Variants in RMST observed in about 807,000 individuals in gnomAD.
RMST encodes the protein long intergenic non-protein coding RNA 54.
At chr12:97,513,780 T>C (rs1318557980) in intron 10 of RMST, among the ~76,000 whole-genome samples, 2 of 152,198 alleles carry the variant, frequency 1.3e-5, no homozygotes, top group Non-Finnish European at 2.9e-5. Flanking sequence ...GATAATGCCA[T>C]GAATTTTTCT....
intron 10 of RMST, among the ~76,000 whole-genome samples, chr12:97,513,346 C>T (rs1296401180): frequency 6.6e-6 from 1 of 152,220 alleles, no homozygotes; most frequent in Non-Finnish European, 1.5e-5. Flanking sequence ...AAATCAGTTT[C>T]ATGAATAGAG....
chr12:97,561,828 G>C (rs1884134290), intron 13 of RMST, among the ~76,000 whole-genome samples: 1 of 151,842 alleles, frequency 6.6e-6, no homozygotes, highest in Admixed American at 6.6e-5. Context: ...CTCCTCACAA[G>C]ATAAGATTCT....
chr12:97,473,631 A>G lies in RMST; in HGVS notation n.644+7904A>G, dbSNP rs1230929608. On this transcript the variant is annotated intron_variant and non_coding_transcript_variant, in intron 5 of 13. Transcript: ENST00000640149. ...TGTGTAAAGCCCTGCCCATAGCTTC[A>G]TTCTCTGGCAGAAATATTATACCAT... Among the ~76,000 whole-genome samples, 4 of 152,172 alleles carry G rather than the reference A, an allele frequency of 2.6e-5. No homozygotes were observed. In the South Asian group the frequency reaches 8.3e-4, roughly 31 times the overall value.
chr12:97,549,370 A>T (rs1338149480), intron 11 of RMST, among the ~76,000 whole-genome samples: 1 of 152,240 alleles, frequency 6.6e-6, no homozygotes, highest in African/African-American at 2.4e-5. Flanking sequence ...GGGCAATCAA[A>T]ATATTCTCAA....
intron 5 of RMST, among the ~76,000 whole-genome samples, chr12:97,472,284 T>C (rs1250457902): frequency 6.6e-6 from 1 of 152,148 alleles, no homozygotes; most frequent in Non-Finnish European, 1.5e-5. Context: ...AGGTACATAC[T>C]TACGTAATGG....
intron 11 of RMST, among the ~76,000 whole-genome samples, chr12:97,556,881 G>C (rs1012991183): frequency 3.3e-5 from 5 of 152,134 alleles, no homozygotes; most frequent in African/African-American, 9.7e-5. Flanking sequence ...TTAGAAAATA[G>C]ACTTGGGAAA....
chr12:97,510,581 T>C (rs1879170833), intron 10 of RMST, among the ~76,000 whole-genome samples: 2 of 152,234 alleles, frequency 1.3e-5, no homozygotes, highest in Admixed American at 6.5e-5. Context: ...TTCCTCACAG[T>C]AGAATCTTAG....
intron 11 of RMST, among the ~76,000 whole-genome samples, chr12:97,537,859 T>C (rs17418806): frequency 0.033 from 5,040 of 151,504 alleles, 134 homozygotes; most frequent in East Asian, 0.12. Context: ...CTTATTCTGG[T>C]ATTAATGTGA....
At position 97,504,402 on chromosome 12, in the gene RMST, TCAA is replaced by T. The variant is rs1200189541; in HGVS notation, n.1340+8347_1340+8349del. ...CTGGGCGACAGAGTGAGACTTCATT[TCAA>T]AAAAAAAAAAAAAAAAAAAGAATGC... On this transcript the variant is annotated intron_variant and non_coding_transcript_variant, in intron 10 of 13. Coordinates refer to ENST00000640149, the Ensembl canonical transcript of RMST. Among the ~76,000 whole-genome samples, 68 of 125,256 alleles carry T rather than the reference TCAA, an allele frequency of 5.4e-4. 2 individuals carry two copies. Among genetic ancestry groups the T allele is most frequent in the Non-Finnish European group, 6.4e-4 (40 of 62,068 alleles). The allele number at this position is 125,256 out of a possible 152,430, so 82.2% of individuals were successfully genotyped here.
chr12:97,506,675 GTTT>G (rs780505590), intron 10 of RMST, among the ~76,000 whole-genome samples: 367 of 76,984 alleles, frequency 4.8e-3, no homozygotes, highest in African/African-American at 0.019. Context: ...AGGGTAATCT[GTTT>G]TTTTTTTTTT....
chr12:97,473,370 C>T (rs979808113), intron 5 of RMST, among the ~76,000 whole-genome samples: 3 of 151,992 alleles, frequency 2.0e-5, no homozygotes, highest in Non-Finnish European at 2.9e-5. Context: ...TAGTAAAATA[C>T]GTGTGTGTGT....
Position 97,545,387 on chromosome 12 carries a change from A to G in RMST, n.1545+14528A>G, listed in dbSNP as rs139092488. On this transcript the variant is annotated intron_variant and non_coding_transcript_variant, in intron 11 of 13. Coordinates refer to ENST00000640149, the Ensembl canonical transcript of RMST. Reference sequence around the variant, plus strand: ...GGTGAGGGACAGATCTAAGATTAAGAGTCTGACTCTTAGATGTCCTTCACA... The same window carrying G: ...GGTGAGGGACAGATCTAAGATTAAGGGTCTGACTCTTAGATGTCCTTCACA... Among the ~76,000 whole-genome samples, 1,401 of 152,172 alleles carry G rather than the reference A, an allele frequency of 9.2e-3. 25 individuals carry two copies. The highest frequency in any genetic ancestry group is 0.032 in the African/African-American group (1,315 of 41,550).
intron 11 of RMST, among the ~76,000 whole-genome samples, chr12:97,541,837 A>T (rs1257066583): frequency 7.9e-5 from 12 of 151,900 alleles, no homozygotes; most frequent in Admixed American, 7.9e-4. Flanking sequence ...TTACTGATTT[A>T]ACAATTATCT....
chr12:97,481,370 A>G (rs1294709658), intron 5 of RMST, among the ~76,000 whole-genome samples: 2 of 152,040 alleles, frequency 1.3e-5, no homozygotes, highest in Non-Finnish European at 2.9e-5. Context: ...TCCTCTTACT[A>G]TTTTATTACC....
chr12:97,556,613 G>A (rs1157698959), intron 11 of RMST, among the ~76,000 whole-genome samples: 5 of 152,168 alleles, frequency 3.3e-5, no homozygotes, highest in Admixed American at 3.3e-4. Flanking sequence ...TCTCTGCTGT[G>A]TTGTTCCCAT....
At chr12:97,477,478 G>A (rs1874691919) in intron 5 of RMST, among the ~76,000 whole-genome samples, 1 of 151,890 alleles carries the variant, frequency 6.6e-6, no homozygotes, top group Admixed American at 6.6e-5. Context: ...ACCAAAAAGG[G>A]GGATAAATTT....
At chr12:97,558,474 T>C (rs1221289503) in intron 11 of RMST, among the ~76,000 whole-genome samples, 1 of 152,222 alleles carries the variant, frequency 6.6e-6, no homozygotes, top group Non-Finnish European at 1.5e-5. Context: ...GAATTGAGGA[T>C]AGCAGATGTC....
intron 11 of RMST, among the ~76,000 whole-genome samples, chr12:97,540,697 G>A (rs1882427689): frequency 6.6e-6 from 1 of 151,638 alleles, no homozygotes; most frequent in African/African-American, 2.4e-5. Flanking sequence ...TAGTGGTGTT[G>A]TGAATGAACT....
chr12:97,469,226 CAA>C (rs946483512), intron 5 of RMST, among the ~76,000 whole-genome samples: 1 of 140,288 alleles, frequency 7.1e-6, no homozygotes, highest in Non-Finnish European at 1.5e-5. Flanking sequence ...TAATTGTATA[CAA>C]TATATATAAA....
Sources: gnomAD v4.1 joint callset for allele counts (sites outside exome capture counted in the v4.1 genomes callset) on GRCh38, gnomAD v4.1.1 for gene constraint, MANE v1.5 for transcripts, NCBI Gene and HGNC (gene_info 2026-07-23, HGNC 2026-07-21) for gene names.